The following PTPRD variants were observed in gnomAD, a reference collection of about 807,000 sequenced individuals.
PTPRD encodes receptor-type tyrosine-protein phosphatase delta.
Under a neutral mutation model 214.5 loss-of-function variants are expected in PTPRD, and 34 were observed. That is an observed-to-expected ratio of 0.16 (90% CI 0.12 to 0.21). The LOEUF is 0.21. Ranked by LOEUF, PTPRD falls within the 10% of genes least tolerant of loss-of-function variation. PTPRD has a pLI of 1.00. For missense variants in PTPRD, 2,545 were observed against 2,398.7 expected (o/e 1.06, Z -1.27); for synonymous variants, 1,128 against 845.7 (o/e 1.33, Z -5.79).
chr9:10,401,911 C>G (rs2098276010), intron 2 of PTPRD, among the ~76,000 whole-genome samples: 1 of 150,828 alleles, frequency 6.6e-6, no homozygotes, highest in African/African-American at 2.4e-5. Flanking sequence ...ATCATATTTG[C>G]CAGTTTATGA....
chr9:8,860,471 C>G (rs1277553645), intron 11 of PTPRD: 1 of 152,168 alleles, frequency 6.6e-6, no homozygotes, highest in Non-Finnish European at 1.5e-5. Flanking sequence ...AGGGATGGGT[C>G]AAGGTGACTG....
At chr9:9,872,712 C>G (rs1179499884) in intron 5 of PTPRD, among the ~76,000 whole-genome samples, 1 of 152,072 alleles carries the variant, frequency 6.6e-6, no homozygotes, top group Admixed American at 6.6e-5. Context: ...TGAATGTATA[C>G]ATTAAATGCT....
intron 3 of PTPRD, among the ~76,000 whole-genome samples, chr9:10,260,270 G>C (rs1471772287): frequency 1.3e-5 from 2 of 152,022 alleles, no homozygotes; most frequent in African/African-American, 4.8e-5. Flanking sequence ...GAACCCCTTG[G>C]GCAGTTTCAG....
intron 8 of PTPRD, among the ~76,000 whole-genome samples, chr9:9,553,208 C>T (rs1403862396): frequency 6.6e-6 from 1 of 151,934 alleles, no homozygotes; most frequent in Non-Finnish European, 1.5e-5. Flanking sequence ...AGAAAATGAA[C>T]TAAAATTTCA....
At chr9:8,327,972 A>G (rs1392111378) in intron 44 of PTPRD, among the ~76,000 whole-genome samples, 1 of 151,786 alleles carries the variant, frequency 6.6e-6, no homozygotes, top group East Asian at 1.9e-4. Flanking sequence ...TCTTTATCCA[A>G]TTGGCCAGTG....
At chr9:10,504,745 A>T (rs1430401959) in intron 2 of PTPRD, among the ~76,000 whole-genome samples, 2 of 152,226 alleles carry the variant, frequency 1.3e-5, no homozygotes, top group East Asian at 3.8e-4. Context: ...TAATTACTAA[A>T]GAATTACGTA....
chr9:9,027,401 T>C (rs2099591010), intron 10 of PTPRD, among the ~76,000 whole-genome samples: 1 of 151,982 alleles, frequency 6.6e-6, no homozygotes, highest in Admixed American at 6.6e-5. Context: ...ATTTCGTTTG[T>C]AGTGATAATG....
intron 8 of PTPRD, among the ~76,000 whole-genome samples, chr9:9,564,430 T>C (rs2083787332): frequency 6.6e-6 from 1 of 152,082 alleles, no homozygotes; most frequent in African/African-American, 2.4e-5. Flanking sequence ...CAGGGGGCCT[T>C]GTCAATTTAA....
chr9:8,618,906 G>GTTTTTTTTTT (rs1270022921), intron 14 of PTPRD, among the ~76,000 whole-genome samples: 2 of 96,844 alleles, frequency 2.1e-5, no homozygotes, highest in African/African-American at 7.8e-5. Context: ...GTTTGTCTGT[G>GTTTTTTTTTT]TTTTTTTGTT....
chr9:9,432,756 T>C (rs1447235582), intron 8 of PTPRD, among the ~76,000 whole-genome samples: 1 of 152,200 alleles, frequency 6.6e-6, no homozygotes, highest in Non-Finnish European at 1.5e-5. Context: ...GCCACTTTAA[T>C]ACCTAAGAAA....
chr9:9,087,110 C>A (rs980312841), intron 10 of PTPRD, among the ~76,000 whole-genome samples: 2 of 151,884 alleles, frequency 1.3e-5, no homozygotes, highest in Non-Finnish European at 2.9e-5. Context: ...TCTGAGTTGG[C>A]TTTTTTTTCT....
At chr9:9,478,722 A>T (rs79474221) in intron 8 of PTPRD, among the ~76,000 whole-genome samples, 2,233 of 152,304 alleles carry the variant, frequency 0.015, 45 homozygotes, top group African/African-American at 0.051. Context: ...TCTTTTTAAA[A>T]ATTTGATGCT....
chr9:8,664,845 T>C (rs754442981), intron 12 of PTPRD, among the ~76,000 whole-genome samples: 2 of 152,208 alleles, frequency 1.3e-5, no homozygotes, highest in Non-Finnish European at 2.9e-5. Flanking sequence ...CATGGTTTTA[T>C]CACAGAAAGG....
intron 11 of PTPRD, among the ~76,000 whole-genome samples, chr9:8,763,291 C>T (rs971079310): frequency 1.3e-5 from 2 of 152,034 alleles, no homozygotes; most frequent in Non-Finnish European, 2.9e-5. Context: ...TTGGATGGAT[C>T]GCCTGAAACC....
At chr9:10,091,414 A>G (rs2098428402) in intron 3 of PTPRD, among the ~76,000 whole-genome samples, 1 of 151,556 alleles carries the variant, frequency 6.6e-6, no homozygotes, top group Non-Finnish European at 1.5e-5. Flanking sequence ...CTGAAAACTG[A>G]TTTTTAAATT....
chr9:9,413,591 A>G (rs1039091782), intron 8 of PTPRD, among the ~76,000 whole-genome samples: 4 of 152,190 alleles, frequency 2.6e-5, no homozygotes, highest in African/African-American at 9.7e-5. Context: ...TAGAAATTAT[A>G]TAAACTCTCT....
At chr9:8,464,618 C>T (rs896372246) in intron 32 of PTPRD, among the ~76,000 whole-genome samples, 1 of 151,858 alleles carries the variant, frequency 6.6e-6, no homozygotes, top group South Asian at 2.1e-4. Context: ...CATATTTAGA[C>T]ACCGATTAGA....
At chr9:9,744,000 G>A (rs1223280947) in intron 6 of PTPRD, among the ~76,000 whole-genome samples, 1 of 152,034 alleles carries the variant, frequency 6.6e-6, no homozygotes, top group African/African-American at 2.4e-5. Flanking sequence ...ATGCATCTGA[G>A]TGGGCAGCAT....
chr9:8,506,565 T>C (rs1254749638), intron 22 of PTPRD, among the ~76,000 whole-genome samples: 1 of 152,152 alleles, frequency 6.6e-6, no homozygotes, highest in Non-Finnish European at 1.5e-5. Flanking sequence ...TTTGAGCAAA[T>C]TATTTAACTT....
Sources: gnomAD v4.1 joint callset for allele counts (sites outside exome capture counted in the v4.1 genomes callset) on GRCh38, gnomAD v4.1.1 for gene constraint, MANE v1.5 for transcripts, NCBI Gene and HGNC (gene_info 2026-07-23, HGNC 2026-07-21) for gene names.